Variants in LRRC28 observed in about 807,000 individuals in gnomAD.
The protein encoded by LRRC28 is leucine-rich repeat-containing protein 28.
A neutral mutation model predicts 45.7 loss-of-function variants in LRRC28; 39 were observed. That is an observed-to-expected ratio of 0.85 (90% CI 0.66 to 1.12). The LOEUF (loss-of-function observed/expected upper bound fraction) is 1.12, where lower values mean the gene tolerates loss of function less well. Among genes scored for constraint, LRRC28 ranks in the 50% most tolerant of loss-of-function variants. LRRC28 has a pLI of 0.00. For missense variants in LRRC28, 435 were observed against 438.5 expected (o/e 0.99, Z 0.07); for synonymous variants, 206 against 178.8 (o/e 1.15, Z -1.22).
At chr15:99,285,605 A>G in intron 3 of LRRC28, 1 of 686,034 alleles carries the variant, frequency 1.5e-6, no homozygotes, top group East Asian at 2.5e-5. Flanking sequence ...GACTTTAACG[A>G]TGCTTCCTCA....
At chr15:99,324,977 CTGGGAT>C (rs1955924142) in intron 5 of LRRC28, among the ~76,000 whole-genome samples, 1 of 152,112 alleles carries the variant, frequency 6.6e-6, no homozygotes, top group African/African-American at 2.4e-5. Context: ...AAAAAGCCTC[CTGGGAT>C]TTTGATAGGG....
rs150240841 is a variant in LRRC28, at chr15:99,373,082, A to T, written c.1031+9817A>T. ...TCCCACGACACATGGGGATTATGGG[A>T]ATTACAATTCAAGATGATATTTGGG... On this transcript the variant is annotated intron_variant, in intron 9 of 9. Coordinates refer to ENST00000301981, the MANE Select transcript of LRRC28 (RefSeq NM_144598.5). Among the ~76,000 whole-genome samples the T allele has an allele frequency of 5.6e-3, 857 of 152,248 alleles. 8 individuals are homozygous for T. Among genetic ancestry groups the T allele is most frequent in the African/African-American group, 0.019 (799 of 41,546 alleles).
chr15:99,379,377 G>A (rs866532088), intron 9 of LRRC28, among the ~76,000 whole-genome samples: 2 of 152,068 alleles, frequency 1.3e-5, no homozygotes, highest in Admixed American at 6.6e-5. Flanking sequence ...CTGTGGGATC[G>A]CTGGTGATAT....
chr15:99,335,272 C>T (rs1956285338), intron 6 of LRRC28, among the ~76,000 whole-genome samples: 1 of 152,190 alleles, frequency 6.6e-6, no homozygotes, highest in Non-Finnish European at 1.5e-5. Context: ...TAGCCTGATT[C>T]CACCATTTCA....
At chr15:99,272,539 G>T (rs568187698) in intron 2 of LRRC28, among the ~76,000 whole-genome samples, 61 of 152,298 alleles carry the variant, frequency 4.0e-4, no homozygotes, top group African/African-American at 1.4e-3. Context: ...TGACGTATTT[G>T]TTCCAAGTTA....
At position 99,386,363 on chromosome 15, in the gene LRRC28, T is replaced by C. The variant is rs187306876; in HGVS notation, c.*261T>C. 304 of 380,156 alleles carry C rather than the reference T, an allele frequency of 8.0e-4. 1 individual carries two copies. The highest frequency in any genetic ancestry group is 5.8e-3 in the African/African-American group (286 of 49,014). 23.5% of individuals were successfully genotyped at this position (380,156 alleles called of 1,614,324 possible). A position where few individuals can be genotyped will look rare whatever the true frequency, so the allele number is the denominator to read the frequency against. The stretch of plus-strand genomic sequence containing the variant: ...CTTTTACAGAAACCATTTAGATTGA[T>C]GGGCCTCCCCAAATCTAATTTAAAG... On this transcript the variant is annotated 3_prime_UTR_variant, in exon 10 of 10. Coordinates refer to ENST00000301981, the MANE Select transcript of LRRC28 (RefSeq NM_144598.5).
intron 6 of LRRC28, among the ~76,000 whole-genome samples, chr15:99,351,235 G>A (rs1419981655): frequency 4.6e-5 from 7 of 152,132 alleles, no homozygotes; most frequent in Non-Finnish European, 7.3e-5. Flanking sequence ...AGAGCTGGTC[G>A]GACATTCCTG....
chr15:99,302,618 T>G (rs1353762715), intron 5 of LRRC28, among the ~76,000 whole-genome samples: 1 of 152,200 alleles, frequency 6.6e-6, no homozygotes, highest in African/African-American at 2.4e-5. Flanking sequence ...ACATGTACAG[T>G]TAATTAACTT....
At chr15:99,300,231 T>C (rs2082361778) in intron 5 of LRRC28, among the ~76,000 whole-genome samples, 1 of 152,072 alleles carries the variant, frequency 6.6e-6, no homozygotes, top group African/African-American at 2.4e-5. Flanking sequence ...TGTAATTTCA[T>C]AGTCATTATA....
Position 99,256,090 on chromosome 15 carries a change from A to G in LRRC28, c.133A>G (p.Arg45Gly). The change falls in exon 2 of 10, where the codon AGA becomes GGA. Residue 45 changes from arginine to glycine, a missense_variant. By Grantham distance (125) the Arg-to-Gly change is moderately radical (BLOSUM62 -2). Transcript: ENST00000301981. Reference protein sequence around the residue: ...LKDEGLQYLERLYMKRNSLTS... With the variant: ...LKDEGLQYLEGLYMKRNSLTS... The stretch of plus-strand genomic sequence containing the variant: ...AGATGAGGGACTGCAGTACTTGGAG[A>G]GACTCTATATGAAAAGGAACTCCCT... 2 of 1,613,030 alleles carry G rather than the reference A, an allele frequency of 1.2e-6. No homozygotes were observed. The highest frequency in any genetic ancestry group is 1.1e-5 in the South Asian group (1 of 90,910).
At position 99,386,391 on chromosome 15, in the gene LRRC28, A is replaced by C. The variant is rs1957991775; in HGVS notation, c.*289A>C. On this transcript the variant is annotated 3_prime_UTR_variant, in exon 10 of 10. Coordinates refer to ENST00000301981, the MANE Select transcript of LRRC28 (RefSeq NM_144598.5). ...GCCTCCCCAAATCTAATTTAAAGCA[A>C]GTTTCCGGTCCTTGGAGAACAGTGA... is the stretch of plus-strand genomic sequence containing the variant. 1 of 322,810 alleles carries C rather than the reference A, an allele frequency of 3.1e-6. No homozygotes were observed. Among genetic ancestry groups the C allele is most frequent in the African/African-American group, 2.1e-5 (1 of 47,316 alleles). The allele number at this position is 322,810 out of a possible 1,614,324, so 20.0% of individuals were successfully genotyped here.
intron 5 of LRRC28, among the ~76,000 whole-genome samples, chr15:99,298,049 T>C (rs1212164087): frequency 3.9e-5 from 6 of 151,926 alleles, no homozygotes; most frequent in Non-Finnish European, 8.8e-5. Flanking sequence ...TACAATACTT[T>C]TAAAAAAAAA....
intron 2 of LRRC28, among the ~76,000 whole-genome samples, chr15:99,264,542 C>A (rs1420364693): frequency 6.6e-6 from 1 of 152,220 alleles, no homozygotes; most frequent in African/African-American, 2.4e-5. Flanking sequence ...ATCTCCACTT[C>A]AGCGGGAGCA....
rs1958023230 is a variant in LRRC28 at position 99,387,098 on chromosome 15, TCGC to T, written c.*998_*1000del. The stretch of plus-strand genomic sequence containing the variant: ...GTTGTTGAGACGGAGTCTCGCTCTG[TCGC>T]CCAGGCTGGAGTGCAGTGGCGGGAT... On this transcript the variant is annotated 3_prime_UTR_variant, in exon 10 of 10. Transcript: ENST00000301981. 4.6e-5 allele frequency: 7 copies of T among 151,368 alleles called. No homozygotes were observed. Among genetic ancestry groups the T allele is most frequent in the African/African-American group, 1.7e-4 (7 of 41,238 alleles). 9.4% of individuals were successfully genotyped at this position (151,368 alleles called of 1,614,324 possible). A position where few individuals can be genotyped will look rare whatever the true frequency, so the allele number is the denominator to read the frequency against.
chr15:99,266,058 A>G (rs1248856874), intron 2 of LRRC28, among the ~76,000 whole-genome samples: 1 of 152,224 alleles, frequency 6.6e-6, no homozygotes, highest in Admixed American at 6.5e-5. Context: ...GCTAAGCAAC[A>G]GGAGCAGATG....
intron 9 of LRRC28, among the ~76,000 whole-genome samples, chr15:99,364,032 C>A (rs145445652): frequency 6.6e-6 from 1 of 152,178 alleles, no homozygotes. Flanking sequence ...AAGCCATTAC[C>A]CCTCTTTCCA....
chr15:99,311,735 G>T (rs1955420156), intron 5 of LRRC28, among the ~76,000 whole-genome samples: 1 of 152,142 alleles, frequency 6.6e-6, no homozygotes, highest in Admixed American at 6.6e-5. Flanking sequence ...GGCTTGCAAA[G>T]CCTAAGGTAT....
At chr15:99,360,595 A>G (rs1957173313) in intron 7 of LRRC28, among the ~76,000 whole-genome samples, 1 of 152,226 alleles carries the variant, frequency 6.6e-6, no homozygotes, top group Admixed American at 6.5e-5. Flanking sequence ...GGTCAAGGTT[A>G]GTGATATTAT....
At chr15:99,383,985 C>G (rs1251085631) in intron 9 of LRRC28, among the ~76,000 whole-genome samples, 2 of 152,184 alleles carry the variant, frequency 1.3e-5, no homozygotes, top group Non-Finnish European at 2.9e-5. Context: ...TACATTCATT[C>G]TTGCTGGCCA....
Sources: gnomAD v4.1 joint callset for allele counts (sites outside exome capture counted in the v4.1 genomes callset) on GRCh38, gnomAD v4.1.1 for gene constraint, MANE v1.5 for transcripts, NCBI Gene and HGNC (gene_info 2026-07-23, HGNC 2026-07-21) for gene names.